OPCML: variants seen among roughly 807,000 people sequenced by gnomAD.
The protein encoded by OPCML is opioid binding protein/cell adhesion molecule like.
OPCML carries 13 observed loss-of-function variants against 37.8 expected under a neutral mutation model. The ratio of observed to expected loss-of-function variants is 0.34; its 90% confidence interval spans 0.22 to 0.55. The LOEUF is 0.55. Ranked by LOEUF, OPCML falls within the 20% of genes least tolerant of loss-of-function variation. The pLI, the probability that OPCML is intolerant of heterozygous loss-of-function variation, is 0.91. For missense variants in OPCML, 341 were observed against 435.6 expected (o/e 0.78, Z 1.93); for synonymous variants, 176 against 168.8 (o/e 1.04, Z -0.33).
chr11:133,341,332 C>A (rs927246084), intron 1 of OPCML, among the ~76,000 whole-genome samples: 4 of 152,194 alleles, frequency 2.6e-5, no homozygotes, highest in African/African-American at 4.8e-5. Flanking sequence ...TCAGCCTTCT[C>A]ATGTGTCAAA....
At chr11:133,446,009 G>A (rs539820645) in intron 1 of OPCML, among the ~76,000 whole-genome samples, 6 of 152,242 alleles carry the variant, frequency 3.9e-5, no homozygotes, top group Middle Eastern at 3.4e-3. Flanking sequence ...TATCTGTTCC[G>A]CCTACCTCCC....
chr11:132,459,372 CAT>C (rs2096092892), intron 4 of OPCML, among the ~76,000 whole-genome samples: 1 of 151,428 alleles, frequency 6.6e-6, no homozygotes, highest in Non-Finnish European at 1.5e-5. Context: ...GTAATCATCA[CAT>C]GAGCCAATTC....
At chr11:132,938,405 A>T (rs758542576) in intron 2 of OPCML, among the ~76,000 whole-genome samples, 2 of 152,164 alleles carry the variant, frequency 1.3e-5, no homozygotes, top group Non-Finnish European at 2.9e-5. Flanking sequence ...TGAAAAAACA[A>T]ATATACTTTA....
At chr11:133,353,934 C>T (rs1331952838) in intron 1 of OPCML, among the ~76,000 whole-genome samples, 1 of 152,138 alleles carries the variant, frequency 6.6e-6, no homozygotes, top group African/African-American at 2.4e-5. Context: ...TCCCTTTTAT[C>T]ACATTTCTGT....
chr11:133,315,123 C>A (rs1943174393), intron 1 of OPCML, among the ~76,000 whole-genome samples: 1 of 152,114 alleles, frequency 6.6e-6, no homozygotes, highest in African/African-American at 2.4e-5. Flanking sequence ...TTATACATTT[C>A]TCTGGAACTT....
At chr11:133,453,569 G>C (rs757251860) in intron 1 of OPCML, among the ~76,000 whole-genome samples, 7 of 152,192 alleles carry the variant, frequency 4.6e-5, no homozygotes, top group Non-Finnish European at 1.0e-4. Flanking sequence ...AAATTTCACT[G>C]TTTTTAATTT....
intron 2 of OPCML, among the ~76,000 whole-genome samples, chr11:132,898,545 C>T (rs1443545205): frequency 6.6e-6 from 1 of 152,156 alleles, no homozygotes; most frequent in Non-Finnish European, 1.5e-5. Flanking sequence ...GTTGCAGTTA[C>T]AGCACCAGCT....
At chr11:133,475,447 A>AC (rs1353240391) in intron 1 of OPCML, among the ~76,000 whole-genome samples, 1 of 152,016 alleles carries the variant, frequency 6.6e-6, no homozygotes, top group East Asian at 1.9e-4. Flanking sequence ...CAAAGAGACA[A>AC]CCCCACAACA....
chr11:133,389,197 A>C (rs1945117484), intron 1 of OPCML, among the ~76,000 whole-genome samples: 1 of 152,220 alleles, frequency 6.6e-6, no homozygotes, highest in South Asian at 2.1e-4. Context: ...AAATGTCTAC[A>C]CCTGATCATA....
In OPCML at chr11:132,615,602, T is replaced by C. The variant is rs11223149; in HGVS notation, c.379+41485A>G. On this transcript the variant is annotated intron_variant, in intron 3 of 7. Coordinates refer to ENST00000524381, the MANE Select transcript of OPCML (RefSeq NM_001012393.5). ...TACATTTATTAGGTATTATAAGTAA[T>C]CTAGAAGTGATTTATATGAGAGGAA... is the stretch of plus-strand genomic sequence containing the variant. Among the ~76,000 whole-genome samples the C allele has an allele frequency of 0.012, 1,771 of 152,214 alleles. 118 individuals are homozygous for C. In the East Asian group the frequency reaches 0.21, roughly 18 times the overall value.
chr11:132,418,434 C>G lies in OPCML; in HGVS notation c.*1759G>C, dbSNP rs2095946146. On this transcript the variant is annotated 3_prime_UTR_variant, in exon 8 of 8. Transcript: ENST00000524381. ...GTTTGTATGCTGGGTCTGCTTTGAACCTGAAGAGCTGGTGAAGTTCTTCCC... is the reference window on the plus strand; with the variant it reads ...GTTTGTATGCTGGGTCTGCTTTGAAGCTGAAGAGCTGGTGAAGTTCTTCCC... The G allele has an allele frequency of 6.6e-6, 1 of 152,560 alleles. No homozygotes were observed. The highest frequency in any genetic ancestry group is 6.5e-5 in the Admixed American group (1 of 15,280). 9.5% of individuals were successfully genotyped at this position (152,560 alleles called of 1,614,324 possible).
At chr11:132,944,073 G>A (rs1054678187) in intron 1 of OPCML, among the ~76,000 whole-genome samples, 5 of 152,120 alleles carry the variant, frequency 3.3e-5, no homozygotes, top group Admixed American at 2.6e-4. Context: ...CGCGCCCACC[G>A]GGCTGGGGAT....
intron 1 of OPCML, among the ~76,000 whole-genome samples, chr11:133,106,069 A>G (rs1193953107): frequency 6.6e-6 from 1 of 152,214 alleles, no homozygotes; most frequent in Admixed American, 6.5e-5. Context: ...ATAATATTTT[A>G]TCTAGATCCA....
chr11:133,210,920 C>T (rs987741053), intron 1 of OPCML, among the ~76,000 whole-genome samples: 1 of 152,072 alleles, frequency 6.6e-6, no homozygotes, highest in African/African-American at 2.4e-5. Context: ...CTTATTGGTG[C>T]CCTCTAGGAG....
chr11:132,422,485 A>G (rs1034388261), intron 7 of OPCML, among the ~76,000 whole-genome samples: 3 of 152,194 alleles, frequency 2.0e-5, no homozygotes, highest in African/African-American at 7.2e-5. Context: ...TCTGTTGAGC[A>G]TTCTCAAGAG....
intron 2 of OPCML, among the ~76,000 whole-genome samples, chr11:132,854,244 C>G (rs1187140151): frequency 6.6e-6 from 1 of 152,158 alleles, no homozygotes; most frequent in East Asian, 1.9e-4. Context: ...TCAGGAGGAT[C>G]CCAAGTGCCA....
chr11:133,490,173 C>A (rs1397638959), intron 1 of OPCML, among the ~76,000 whole-genome samples: 2 of 151,980 alleles, frequency 1.3e-5, no homozygotes, highest in African/African-American at 2.4e-5. Context: ...ACCACTGTGC[C>A]CAGGACGCAT....
intron 1 of OPCML, among the ~76,000 whole-genome samples, chr11:133,159,060 G>A (rs138674618): frequency 6.6e-6 from 1 of 152,312 alleles, no homozygotes; most frequent in Non-Finnish European, 1.5e-5. Context: ...AGTCTTTCCT[G>A]CCTTTTCTTC....
intron 1 of OPCML, among the ~76,000 whole-genome samples, chr11:133,080,104 A>G (rs4448699): frequency 0.55 from 83,296 of 152,030 alleles, 24,878 homozygotes; most frequent in African/African-American, 0.79. Flanking sequence ...CACTCACCCT[A>G]CCCATCCACA....
Sources: allele counts gnomAD v4.1 joint callset (sites outside exome capture counted in the v4.1 genomes callset), GRCh38; gene constraint gnomAD v4.1.1; transcripts MANE v1.5; gene names NCBI Gene and HGNC (gene_info 2026-07-23, HGNC 2026-07-21).